CDH8: variants seen among roughly 807,000 people sequenced by gnomAD.
The protein encoded by CDH8 is cadherin 8.
A neutral mutation model predicts 68.1 loss-of-function variants in CDH8; 17 were observed. That is an observed-to-expected ratio of 0.25 (90% CI 0.17 to 0.37). The LOEUF is 0.37. CDH8 is among the 10% of genes least tolerant of loss of function. CDH8 has a pLI of 1.00. For missense variants in CDH8, 763 were observed against 999.3 expected, an observed-to-expected ratio of 0.76 and a Z score of 3.19; for synonymous variants, 372 against 365.1, an observed-to-expected ratio of 1.02 and a Z score of -0.21.
Position 62,021,486 on chromosome 16 carries a change from G to A in CDH8, c.-83C>T. On this transcript the variant is annotated 5_prime_UTR_variant, in exon 2 of 12. Transcript: ENST00000577390. ...GGTCTGCAGCCATCCAATTCATCAT[G>A]CAGTGCCGAGCATTTACTTACAGCT... 1 of 1,524,682 alleles carries A rather than the reference G, an allele frequency of 6.6e-7. No homozygotes were observed. The highest frequency in any genetic ancestry group is 2.1e-5 in the Admixed American group (1 of 48,114). 94.4% of individuals were successfully genotyped at this position (1,524,682 alleles called of 1,614,324 possible). A position where few individuals can be genotyped will look rare whatever the true frequency, so the allele number is the denominator to read the frequency against.
At chr16:61,982,241 A>G (rs866540207) in intron 2 of CDH8, among the ~76,000 whole-genome samples, 1 of 151,806 alleles carries the variant, frequency 6.6e-6, no homozygotes, top group East Asian at 1.9e-4. Flanking sequence ...TTTTTTTAAG[A>G]CAGAGTCTCG....
At chr16:61,763,007 A>G (rs1960506674) in intron 8 of CDH8, among the ~76,000 whole-genome samples, 1 of 152,168 alleles carries the variant, frequency 6.6e-6, no homozygotes, top group Non-Finnish European at 1.5e-5. Flanking sequence ...TGAAAATAAG[A>G]GCATTTGGAC....
At position 61,960,287 on chromosome 16, in the gene CDH8, A is replaced by G. The variant is rs1222578285; in HGVS notation, c.253-58814T>C. ...TATATACGTGTGTGTGTATACACAC[A>G]TATATACGTGTGTGTGTATACACAC... On this transcript the variant is annotated intron_variant, in intron 2 of 11. Coordinates refer to ENST00000577390, the MANE Select transcript of CDH8 (RefSeq NM_001796.5). Among the ~76,000 whole-genome samples the G allele has an allele frequency of 1.9e-5, 2 of 103,412 alleles. 1 individual carries two copies. The highest frequency in any genetic ancestry group is 5.6e-4 in the East Asian group (2 of 3,588). 67.8% of individuals were successfully genotyped at this position (103,412 alleles called of 152,430 possible).
At chr16:61,768,698 T>A (rs72798714) in intron 8 of CDH8, among the ~76,000 whole-genome samples, 1 of 151,716 alleles carries the variant, frequency 6.6e-6, no homozygotes, top group Non-Finnish European at 1.5e-5. Flanking sequence ...GCTTACTAAT[T>A]ACTCCATACC....
intron 2 of CDH8, among the ~76,000 whole-genome samples, chr16:61,989,447 C>T (rs943377355): frequency 5.9e-5 from 9 of 152,078 alleles, no homozygotes; most frequent in African/African-American, 1.9e-4. Flanking sequence ...TGAGATTCAC[C>T]GTAACTTCAA....
chr16:61,797,062 T>C (rs1961516853), intron 7 of CDH8, among the ~76,000 whole-genome samples: 1 of 152,096 alleles, frequency 6.6e-6, no homozygotes, highest in Admixed American at 6.6e-5. Flanking sequence ...TTCATACTGA[T>C]ATTTGGCACA....
chr16:62,034,206 C>G (rs1396737512), intron 1 of CDH8, among the ~76,000 whole-genome samples: 1 of 151,572 alleles, frequency 6.6e-6, no homozygotes, highest in Admixed American at 6.6e-5. Flanking sequence ...CACACACACA[C>G]ACACACACAC....
chr16:61,784,598 C>T (rs1961183970), intron 8 of CDH8, among the ~76,000 whole-genome samples: 2 of 139,428 alleles, frequency 1.4e-5, no homozygotes, highest in South Asian at 5.1e-4. Context: ...TAATAGACAT[C>T]TACAGAACTC....
chr16:61,960,015 TACAC>T lies in CDH8; in HGVS notation c.253-58546_253-58543del, dbSNP rs1162149722. Among the ~76,000 whole-genome samples, 10 of 73,204 alleles carry T rather than the reference TACAC, an allele frequency of 1.4e-4. 1 individual carries two copies. The highest frequency in any genetic ancestry group is 6.2e-4 in the African/African-American group (6 of 9,606). The allele number at this position is 73,204 out of a possible 152,430, so 48.0% of individuals were successfully genotyped here. A position where few individuals can be genotyped will look rare whatever the true frequency, so the allele number is the denominator to read the frequency against. Reference sequence around the variant, plus strand: ...ATATATATATATATATATATATATATACACACATACACACACACACACAACATAT... The same window carrying T: ...ATATATATATATATATATATATATATACATACACACACACACACAACATAT... On this transcript the variant is annotated intron_variant, in intron 2 of 11. Coordinates refer to ENST00000577390, the MANE Select transcript of CDH8 (RefSeq NM_001796.5).
intron 2 of CDH8, among the ~76,000 whole-genome samples, chr16:61,964,604 C>T (rs1965215546): frequency 6.6e-6 from 1 of 151,934 alleles, no homozygotes; most frequent in African/African-American, 2.4e-5. Flanking sequence ...CTGTACTTGG[C>T]TGAGGTCCTA....
At chr16:62,032,559 A>G (rs1902353035) in intron 1 of CDH8, among the ~76,000 whole-genome samples, 1 of 152,216 alleles carries the variant, frequency 6.6e-6, no homozygotes, top group African/African-American at 2.4e-5. Flanking sequence ...TAACTTTGTA[A>G]CAAATATAAA....
Position 61,887,819 on chromosome 16 carries a change from A to G in CDH8, c.547+13360T>C, listed in dbSNP as rs138325194. ...ATACTTGACTGATATTATAATCTTT[A>G]TATAATATATAATGTACAACAATCA... On this transcript the variant is annotated intron_variant, in intron 3 of 11. Coordinates refer to ENST00000577390, the MANE Select transcript of CDH8 (RefSeq NM_001796.5). Among the ~76,000 whole-genome samples, 417 of 152,226 alleles carry G rather than the reference A, an allele frequency of 2.7e-3. 3 individuals are homozygous for G. The highest frequency in any genetic ancestry group is 5.4e-3 in the Admixed American group (83 of 15,292).
At chr16:61,923,373 A>T (rs1271436185) in intron 2 of CDH8, among the ~76,000 whole-genome samples, 3 of 152,258 alleles carry the variant, frequency 2.0e-5, no homozygotes, top group East Asian at 3.9e-4. Context: ...ATCCGCACTC[A>T]ATCTTTTTAG....
intron 1 of CDH8, among the ~76,000 whole-genome samples, chr16:62,034,389 T>A (rs986071929): frequency 1.3e-5 from 2 of 152,146 alleles, no homozygotes; most frequent in Non-Finnish European, 1.5e-5. Context: ...CATAAACATC[T>A]TTCCCACATA....
intron 2 of CDH8, among the ~76,000 whole-genome samples, chr16:61,982,283 G>C (rs1020689881): frequency 1.3e-5 from 2 of 151,856 alleles, no homozygotes; most frequent in Non-Finnish European, 2.9e-5. Flanking sequence ...GCAGTGGCGC[G>C]ATCTCGGCTC....
chr16:61,754,282 T>C (rs1960253403), intron 8 of CDH8, among the ~76,000 whole-genome samples: 1 of 152,176 alleles, frequency 6.6e-6, no homozygotes, highest in South Asian at 2.1e-4. Context: ...ATCAAAGCCA[T>C]ACATTATTAC....
chr16:61,694,016 C>T (rs1964281555), intron 10 of CDH8, among the ~76,000 whole-genome samples: 1 of 151,994 alleles, frequency 6.6e-6, no homozygotes, highest in Non-Finnish European at 1.5e-5. Flanking sequence ...CATTACTAAC[C>T]CCACCTCACA....
intron 8 of CDH8, among the ~76,000 whole-genome samples, chr16:61,774,526 G>A (rs1960859142): frequency 6.6e-6 from 1 of 151,432 alleles, no homozygotes; most frequent in East Asian, 1.9e-4. Flanking sequence ...ATCTGCATGG[G>A]ATTTTTAACA....
intron 8 of CDH8, among the ~76,000 whole-genome samples, chr16:61,736,979 G>GGTTTTCA (rs1959704728): frequency 1.3e-5 from 2 of 152,072 alleles, no homozygotes; most frequent in South Asian, 4.1e-4. Flanking sequence ...AAAGTCAGGC[G>GGTTTTCA]GTTTTCACAT....
Sources: gnomAD v4.1 joint callset for allele counts (sites outside exome capture counted in the v4.1 genomes callset) on GRCh38, gnomAD v4.1.1 for gene constraint, MANE v1.5 for transcripts, NCBI Gene and HGNC (gene_info 2026-07-23, HGNC 2026-07-21) for gene names.